The following EXT2 variants were observed in gnomAD, a reference collection of about 807,000 sequenced individuals.
EXT2 encodes the protein exostosin-2.
A neutral mutation model predicts 81.6 loss-of-function variants in EXT2; 53 were observed. The observed-to-expected ratio is 0.65, with a 90% CI of 0.52 to 0.82. EXT2 has a LOEUF of 0.82. EXT2 is among the 40% of genes least tolerant of loss of function. The pLI, the probability that EXT2 is intolerant of heterozygous loss-of-function variation, is 0.00. For synonymous variants in EXT2, 320 were observed against 340.0 expected (o/e 0.94, Z 0.65); for missense variants, 774 against 910.2 (o/e 0.85, Z 1.93).
intron 7 of EXT2, among the ~76,000 whole-genome samples, chr11:44,154,620 G>C (rs1025271107): frequency 6.6e-6 from 1 of 152,018 alleles, no homozygotes; most frequent in South Asian, 2.1e-4. Flanking sequence ...ATACCTCTTC[G>C]ATATACTGAT....
intron 8 of EXT2, among the ~76,000 whole-genome samples, chr11:44,193,476 A>G (rs1043735801): frequency 6.6e-6 from 1 of 152,244 alleles, no homozygotes; most frequent in Non-Finnish European, 1.5e-5. Flanking sequence ...GATGATTTTT[A>G]TAGACAGAGA....
chr11:44,158,430 C>A (rs190086671), intron 7 of EXT2, among the ~76,000 whole-genome samples: 13 of 152,172 alleles, frequency 8.5e-5, no homozygotes, highest in African/African-American at 3.1e-4. Flanking sequence ...TGGATGACAG[C>A]GTATCAGTTT....
chr11:44,202,255 A>G (rs1272507168), intron 9 of EXT2, among the ~76,000 whole-genome samples: 2 of 152,338 alleles, frequency 1.3e-5, no homozygotes, highest in South Asian at 2.1e-4. Flanking sequence ...CATGGTCTCA[A>G]GTAATTCTTT....
chr11:44,124,696 C>T (rs906669549), intron 4 of EXT2, 93 bp from the exon 5 acceptor site: 3 of 992,668 alleles, frequency 3.0e-6, no homozygotes, highest in Admixed American at 1.9e-5. Context: ...GGTAAGGAAA[C>T]ACTTACTGTC....
intron 10 of EXT2, among the ~76,000 whole-genome samples, chr11:44,214,380 C>CT (rs1955691613): frequency 6.6e-6 from 1 of 152,194 alleles, no homozygotes; most frequent in Non-Finnish European, 1.5e-5. Flanking sequence ...TCCCAAAGTG[C>CT]TGGGACTACA....
intron 7 of EXT2, among the ~76,000 whole-genome samples, chr11:44,133,806 A>G (rs1000302790): frequency 6.6e-6 from 1 of 152,234 alleles, no homozygotes; most frequent in African/African-American, 2.4e-5. Flanking sequence ...TATTGGAGCA[A>G]CATTTTGCAG....
chr11:44,142,265 A>T (rs996994610), intron 7 of EXT2, among the ~76,000 whole-genome samples: 3 of 152,234 alleles, frequency 2.0e-5, no homozygotes, highest in African/African-American at 7.2e-5. Flanking sequence ...CATAATTTAT[A>T]GTTTTATAAT....
At chr11:44,133,390 G>C (rs1426245502) in intron 7 of EXT2, among the ~76,000 whole-genome samples, 11 of 152,118 alleles carry the variant, frequency 7.2e-5, no homozygotes, top group Non-Finnish European at 1.5e-5. Context: ...CACTTTTAGG[G>C]GAAAGCCTAT....
intron 12 of EXT2, among the ~76,000 whole-genome samples, chr11:44,235,979 ATG>A (rs778260249): frequency 1.3e-5 from 2 of 152,208 alleles, no homozygotes; most frequent in African/African-American, 2.4e-5. Context: ...ACAAGAACAA[ATG>A]GTGTTTATAC....
chr11:44,146,253 G>A (rs1023254899), intron 7 of EXT2, among the ~76,000 whole-genome samples: 42 of 152,176 alleles, frequency 2.8e-4, no homozygotes, highest in African/African-American at 1.0e-3. Context: ...CTTTGAAAAG[G>A]CCCTTTCTCT....
intron 11 of EXT2, among the ~76,000 whole-genome samples, chr11:44,233,623 A>G (rs1955924126): frequency 2.6e-5 from 4 of 152,224 alleles, no homozygotes; most frequent in South Asian, 2.1e-4. Context: ...AGGTCTGTTC[A>G]GCTCAACACA....
At chr11:44,188,038 C>T (rs2135163715) in intron 8 of EXT2, among the ~76,000 whole-genome samples, 1 of 152,318 alleles carries the variant, frequency 6.6e-6, no homozygotes, top group African/African-American at 2.4e-5. Context: ...ACTTCTGTCC[C>T]TGGCTTTCTG....
At chr11:44,159,663 T>C (rs1417374206) in intron 7 of EXT2, among the ~76,000 whole-genome samples, 1 of 152,228 alleles carries the variant, frequency 6.6e-6, no homozygotes, top group Non-Finnish European at 1.5e-5. Context: ...TTACTCAGTC[T>C]CTTCAAACTG....
At position 44,246,998 on chromosome 11, in the gene EXT2, T is replaced by G. The variant is rs1243861451; in HGVS notation, c.*2711T>G. On this transcript the variant is annotated 3_prime_UTR_variant, in exon 14 of 14. Transcript: ENST00000533608. Reference sequence around the variant, plus strand: ...AACTGGCCCTGGCCCAAGTGCACACTGAGCCACTGGCTTTGCCCCCAGGGG... The same window carrying G: ...AACTGGCCCTGGCCCAAGTGCACACGGAGCCACTGGCTTTGCCCCCAGGGG... 6.6e-6 allele frequency among the ~76,000 whole-genome samples: 1 copy of G among 152,266 alleles called. No individual in the cohort carries two copies. Among genetic ancestry groups the G allele is most frequent in the Non-Finnish European group, 1.5e-5 (1 of 68,040 alleles).
chr11:44,096,454 T>A, intron 1 of EXT2: 1 of 900,766 alleles, frequency 1.1e-6, no homozygotes, highest in Non-Finnish European at 1.7e-6. Flanking sequence ...GGGGTCATGT[T>A]GGGCCAGGCA....
chr11:44,206,971 T>G lies in EXT2; in HGVS notation c.1662+12T>G. Reference sequence around the variant, plus strand: ...AATTTGGTTATGAGGTAAGGAGGTTTTACACAGTGTGTTTATATGTTTAAT... The same window carrying G: ...AATTTGGTTATGAGGTAAGGAGGTTGTACACAGTGTGTTTATATGTTTAAT... On this transcript the variant is annotated intron_variant, in intron 10 of 13. Transcript: ENST00000533608. The G allele has an allele frequency of 1.2e-6, 2 of 1,613,436 alleles. No homozygotes were observed. Among genetic ancestry groups the G allele is most frequent in the South Asian group, 2.2e-5 (2 of 91,074 alleles).
At chr11:44,190,212 G>C (rs1051446281) in intron 8 of EXT2, among the ~76,000 whole-genome samples, 22 of 152,206 alleles carry the variant, frequency 1.4e-4, no homozygotes, top group Non-Finnish European at 2.9e-4. Flanking sequence ...ACTTCTGGAT[G>C]AGAGGCATGA....
Position 44,124,965 on chromosome 11 carries a change from A to G in EXT2, c.920A>G (p.Asp307Gly), listed in dbSNP as rs1260423517. 1 of 1,613,142 alleles carries G rather than the reference A, an allele frequency of 6.2e-7. No individual in the cohort carries two copies. Among genetic ancestry groups the G allele is most frequent in the Non-Finnish European group, 8.5e-7 (1 of 1,180,004 alleles). Reference sequence around the variant, plus strand: ...CGCTGCCACAAGCACCAGGTCTTCGATTACCCACAGGTGCTACAGGTGAGT... The same window carrying G: ...CGCTGCCACAAGCACCAGGTCTTCGGTTACCCACAGGTGCTACAGGTGAGT... Reference protein sequence around the residue: ...RKRCHKHQVFDYPQVLQEATF... With the variant: ...RKRCHKHQVFGYPQVLQEATF... Residue 307 changes from aspartate (D) to glycine (G), a missense_variant, in exon 5 of 14, where the codon GAT becomes GGT. Coordinates refer to ENST00000533608, the MANE Select transcript of EXT2 (RefSeq NM_207122.2).
Position 44,108,050 on chromosome 11 carries a change from A to C in EXT2, c.338A>C (p.Lys113Thr). Residue 113 changes from lysine to threonine, a missense_variant, in exon 2 of 14, where the codon AAG (lysine) becomes ACG (threonine). Coordinates refer to ENST00000533608, the MANE Select transcript of EXT2 (RefSeq NM_207122.2). ...KIKVYIYALKKYVDDFGVSVS... is the reference protein window; with the variant it reads ...KIKVYIYALKTYVDDFGVSVS... ...AAGGTGTATATCTATGCTCTGAAAA[A>C]GTACGTGGATGACTTTGGCGTCTCT... is the stretch of plus-strand genomic sequence containing the variant. 1 of 1,614,204 alleles carries C rather than the reference A, an allele frequency of 6.2e-7. No individual in the cohort carries two copies. Among genetic ancestry groups the C allele is most frequent in the South Asian group, 1.1e-5 (1 of 91,082 alleles).
Sources: gnomAD v4.1 joint callset for allele counts (sites outside exome capture counted in the v4.1 genomes callset) on GRCh38, gnomAD v4.1.1 for gene constraint, MANE v1.5 for transcripts, NCBI Gene and HGNC (gene_info 2026-07-23, HGNC 2026-07-21) for gene names.